ZNF268: variants seen among roughly 807,000 people sequenced by gnomAD.
ZNF268 encodes the protein zinc finger protein 3.
ZNF268 carries 20 observed loss-of-function variants against 29.3 expected under a neutral mutation model. The observed-to-expected ratio is 0.68, with a 90% CI of 0.48 to 0.99. ZNF268 has a LOEUF of 0.99. Among genes scored for constraint, ZNF268 ranks in the 50% least tolerant of loss-of-function variants. The pLI is 0.00. For missense variants in ZNF268, 1,240 were observed against 1,121.6 expected (o/e 1.11, Z -1.51); for synonymous variants, 429 against 376.9 (o/e 1.14, Z -1.60).
chr12:133,181,773 G>T (rs780373781), intron 1 of ZNF268, 87 bp downstream of exon 1: 45 of 566,920 alleles, frequency 7.9e-5, no homozygotes, highest in Non-Finnish European at 1.3e-4. Context: ...CGGGGCGGTT[G>T]CCTGACCCTA....
At chr12:133,198,208 TGTATAAG>T in intron 5 of ZNF268, among the ~76,000 whole-genome samples, 1 of 148,258 alleles carries the variant, frequency 6.7e-6, no homozygotes, top group South Asian at 2.1e-4. Flanking sequence ...AATTGATTTT[TGTATAAG>T]GTGTAAGGAA....
Position 133,210,143 on chromosome 12 carries a change from A to G in ZNF268, c.*5613A>G, listed in dbSNP as rs576223168. On this transcript the variant is annotated 3_prime_UTR_variant, in exon 6 of 6. Coordinates refer to ENST00000536435, the MANE Select transcript of ZNF268 (RefSeq NM_003415.3). The stretch of plus-strand genomic sequence containing the variant: ...CAGGGTGCAGGCCTCACTTTTCCTC[A>G]TCTTTTCCTCCTGTGGCCTCCATGT... 1.3e-5 allele frequency: 2 copies of G among 152,380 alleles called. No individual in the cohort carries two copies. Among genetic ancestry groups the G allele is most frequent in the East Asian group, 3.9e-4 (2 of 5,172 alleles). 9.4% of individuals were successfully genotyped at this position (152,380 alleles called of 1,614,324 possible). A position where few individuals can be genotyped will look rare whatever the true frequency, so the allele number is the denominator to read the frequency against.
Position 133,204,780 on chromosome 12 carries a change from T to C in ZNF268, c.*250T>C, listed in dbSNP as rs2135527142. The C allele has an allele frequency of 2.6e-6, 1 of 384,542 alleles. No homozygotes were observed. Among genetic ancestry groups the C allele is most frequent in the African/African-American group, 2.1e-5 (1 of 47,946 alleles). 23.8% of individuals were successfully genotyped at this position (384,542 alleles called of 1,614,324 possible). A position where few individuals can be genotyped will look rare whatever the true frequency, so the allele number is the denominator to read the frequency against. On this transcript the variant is annotated 3_prime_UTR_variant, in exon 6 of 6. Coordinates refer to ENST00000536435, the MANE Select transcript of ZNF268 (RefSeq NM_003415.3). ...AAAATTTTTAGCAGCAAGTCATACC[T>C]TTTTTTAAAAAGTTCATACAGGTGA...
chr12:133,203,800 T>G lies in ZNF268; in HGVS notation c.2114T>G (p.Phe705Cys), dbSNP rs753428615. Residue 705 changes from phenylalanine (F) to cysteine (C), a missense_variant, in exon 6 of 6, where the codon TTC becomes TGC. This residue lies in a region of ZNF268 where 1,177 missense variants were observed against 1,039.6 expected (regional missense o/e 1.13). Transcript: ENST00000536435. ...PYGCSECGKA[F>C]RSKSYLIIHM... ...GGATGCAGTGAGTGTGGGAAAGCCT[T>G]CAGGAGCAAGTCATACCTTATTATA... The G allele has an allele frequency of 1.3e-6, 2 of 1,564,468 alleles. No homozygotes were observed. Among genetic ancestry groups the G allele is most frequent in the South Asian group, 2.3e-5 (2 of 86,668 alleles).
Position 133,203,033 on chromosome 12 carries a change from T to C in ZNF268, c.1347T>C (p.Cys449=). Residue 449 remains cysteine (C), a synonymous_variant, in exon 6 of 6, where the codon TGT becomes TGC. Transcript: ENST00000536435. ...TGEKPYVCSD[C]GKAFTFKSQL... is the part of the protein sequence containing the mutation. ...AGAAACCTTATGTTTGTAGTGATTG[T>C]GGAAAAGCCTTTACATTCAAGTCAC... 1 of 1,542,530 alleles carries C rather than the reference T, an allele frequency of 6.5e-7. No homozygotes were observed.
At position 133,204,612 on chromosome 12, in the gene ZNF268, T is replaced by G. The variant is rs956878119; in HGVS notation, c.*82T>G. ...AAGAGAAACTCTGTAAGTGGAATCATCTTGTCATCTTCCAGAAAACTCATA... is the reference window on the plus strand; with the variant it reads ...AAGAGAAACTCTGTAAGTGGAATCAGCTTGTCATCTTCCAGAAAACTCATA... On this transcript the variant is annotated 3_prime_UTR_variant, in exon 6 of 6. Transcript: ENST00000536435. 1.2e-4 allele frequency: 128 copies of G among 1,082,476 alleles called. No homozygotes were observed. The highest frequency in any genetic ancestry group is 2.5e-5 in the Non-Finnish European group (20 of 785,132). The allele number at this position is 1,082,476 out of a possible 1,614,324, so 67.1% of individuals were successfully genotyped here.
At chr12:133,192,848 A>G (rs925661719) in intron 5 of ZNF268, among the ~76,000 whole-genome samples, 2 of 152,144 alleles carry the variant, frequency 1.3e-5, no homozygotes, top group Non-Finnish European at 2.9e-5. Context: ...TTTTGTAGAT[A>G]CAGGGTTTCA....
rs544229399 is a variant in ZNF268, at chr12:133,193,667, A to G, written c.457+1664A>G. The stretch of plus-strand genomic sequence containing the variant: ...CTTAATACCACCACAATGGGGAGTA[A>G]GTTTCAACATGAGTTTTAGAGGGGA... On this transcript the variant is annotated intron_variant, in intron 5 of 5. Transcript: ENST00000536435. The G allele has an allele frequency of 7.8e-5, 34 of 435,532 alleles. 2 individuals carry two copies. In the South Asian group the frequency reaches 1.4e-3, roughly 18 times the overall value. The allele number at this position is 435,532 out of a possible 1,614,324, so 27.0% of individuals were successfully genotyped here.
At chr12:133,183,253 GT>G (rs938360262) in intron 2 of ZNF268, among the ~76,000 whole-genome samples, 16 of 152,174 alleles carry the variant, frequency 1.1e-4, no homozygotes, top group African/African-American at 3.9e-4. Flanking sequence ...TTATTGAAGT[GT>G]TTTCACAACG....
rs1223448129 is a variant in ZNF268 at position 133,205,455 on chromosome 12, A to G, written c.*925A>G. 1 of 152,174 alleles carries G rather than the reference A, an allele frequency of 6.6e-6. No individual in the cohort carries two copies. Among genetic ancestry groups the G allele is most frequent in the South Asian group, 2.1e-4 (1 of 4,828 alleles). 9.4% of individuals were successfully genotyped at this position (152,174 alleles called of 1,614,324 possible). ...GTTTGGCATTTTACTTGCGAATGCC[A>G]TATGTGAGACAAAAATCATCTTCCA... On this transcript the variant is annotated 3_prime_UTR_variant, in exon 6 of 6. Coordinates refer to ENST00000536435, the MANE Select transcript of ZNF268 (RefSeq NM_003415.3).
In ZNF268 at chr12:133,204,642, A is replaced by G. The variant is rs1416007924; in HGVS notation, c.*112A>G. The G allele has an allele frequency of 5.0e-6, 4 of 808,040 alleles. No individual in the cohort carries two copies. Among genetic ancestry groups the G allele is most frequent in the East Asian group, 3.0e-5 (1 of 32,826 alleles). 50.1% of individuals were successfully genotyped at this position (808,040 alleles called of 1,614,324 possible). A position where few individuals can be genotyped will look rare whatever the true frequency, so the allele number is the denominator to read the frequency against. On this transcript the variant is annotated 3_prime_UTR_variant, in exon 6 of 6. Transcript: ENST00000536435. ...TCATCTTCCAGAAAACTCATACTGA[A>G]TAGAAACTTTATGAATGCACAGCAT...
chr12:133,197,486 T>C (rs377387104), intron 5 of ZNF268, among the ~76,000 whole-genome samples: 13 of 152,110 alleles, frequency 8.5e-5, no homozygotes, highest in East Asian at 7.7e-4. Context: ...TGAATAGTGC[T>C]GCAATAAACA....
chr12:133,205,479 C>A lies in ZNF268; in HGVS notation c.*949C>A, dbSNP rs1430155379. 1 of 152,106 alleles carries A rather than the reference C, an allele frequency of 6.6e-6. No homozygotes were observed. The highest frequency in any genetic ancestry group is 1.5e-5 in the Non-Finnish European group (1 of 68,014). The allele number at this position is 152,106 out of a possible 1,614,324, so 9.4% of individuals were successfully genotyped here. On this transcript the variant is annotated 3_prime_UTR_variant, in exon 6 of 6. Transcript: ENST00000536435. ...CATATGTGAGACAAAAATCATCTTCCAGAGATTTCAGTATCTCTGATACTG... is the reference window on the plus strand; with the variant it reads ...CATATGTGAGACAAAAATCATCTTCAAGAGATTTCAGTATCTCTGATACTG...
intron 3 of ZNF268, among the ~76,000 whole-genome samples, chr12:133,190,144 C>T (rs1022994538): frequency 4.6e-5 from 7 of 152,162 alleles, no homozygotes; most frequent in African/African-American, 1.7e-4. Flanking sequence ...TGGTAATTTG[C>T]GTCTTCCAAG....
At position 133,206,179 on chromosome 12, in the gene ZNF268, G is replaced by T; in HGVS notation, c.*1649G>T. ...TAGGCAGAAACTTGCAAGGATATGTGGATATTTGGAAATGGTTGTTTCCCA... is the reference window on the plus strand; with the variant it reads ...TAGGCAGAAACTTGCAAGGATATGTTGATATTTGGAAATGGTTGTTTCCCA... On this transcript the variant is annotated 3_prime_UTR_variant, in exon 6 of 6. Transcript: ENST00000536435. The T allele has an allele frequency of 6.6e-6, 1 of 152,240 alleles. No individual in the cohort carries two copies. Among genetic ancestry groups the T allele is most frequent in the Non-Finnish European group, 1.5e-5 (1 of 68,026 alleles). 9.4% of individuals were successfully genotyped at this position (152,240 alleles called of 1,614,324 possible).
At chr12:133,188,729 A>T (rs1393614589) in intron 3 of ZNF268, among the ~76,000 whole-genome samples, 9 of 152,040 alleles carry the variant, frequency 5.9e-5, no homozygotes, top group African/African-American at 2.2e-4. Flanking sequence ...TTAATATCAG[A>T]CTCTTCATTT....
chr12:133,211,208 T>TGC lies in ZNF268; in HGVS notation c.*6678_*6679insGC, dbSNP rs1555305585. On this transcript the variant is annotated 3_prime_UTR_variant, in exon 6 of 6. Coordinates refer to ENST00000536435, the MANE Select transcript of ZNF268 (RefSeq NM_003415.3). ...TGAAAAAGTGTTTGTATGCAAAATA[T>TGC]AAAAAAAAAACCCTAAAATTGAACA... 2.2e-5 allele frequency: 6 copies of TGC among 275,944 alleles called. No homozygotes were observed. The highest frequency in any genetic ancestry group is 5.5e-5 in the Admixed American group (1 of 18,108). The allele number at this position is 275,944 out of a possible 1,614,324, so 17.1% of individuals were successfully genotyped here. A position where few individuals can be genotyped will look rare whatever the true frequency, so the allele number is the denominator to read the frequency against.
At position 133,204,587 on chromosome 12, in the gene ZNF268, AAG is replaced by A; in HGVS notation, c.*61_*62del. ...CAAGAGATAGAAACAATCATATATA[AAG>A]AGAAACTCTGTAAGTGGAATCATCT... is the stretch of plus-strand genomic sequence containing the variant. On this transcript the variant is annotated 3_prime_UTR_variant, in exon 6 of 6. Transcript: ENST00000536435. 1.6e-6 allele frequency: 2 copies of A among 1,278,624 alleles called. No individual in the cohort carries two copies. The highest frequency in any genetic ancestry group is 2.1e-6 in the Non-Finnish European group (2 of 956,184). 79.2% of individuals were successfully genotyped at this position (1,278,624 alleles called of 1,614,324 possible). A position where few individuals can be genotyped will look rare whatever the true frequency, so the allele number is the denominator to read the frequency against.
Position 133,203,329 on chromosome 12 carries a change from G to T in ZNF268, c.1643G>T (p.Arg548Met). ...SFKSQLIIHQ[R>M]IHTGENPYEC... ...AAATCACAGCTCATTATACATCAGA[G>T]GATTCATACAGGAGAGAACCCCTAT... The change falls in exon 6 of 6, where the codon AGG becomes ATG. Residue 548 changes from arginine (R) to methionine (M), a missense_variant. By Grantham distance (91) the Arg-to-Met change is moderately conservative. Around this residue, in one of 3 missense-constraint regions of ZNF268, gnomAD observed 1,177 missense variants for 1,039.6 expected, o/e 1.13. Coordinates refer to ENST00000536435, the MANE Select transcript of ZNF268 (RefSeq NM_003415.3). 1 of 1,545,752 alleles carries T rather than the reference G, an allele frequency of 6.5e-7. No individual in the cohort carries two copies. The highest frequency in any genetic ancestry group is 1.9e-5 in the Admixed American group (1 of 51,312).
Sources: gnomAD v4.1 joint callset for allele counts (sites outside exome capture counted in the v4.1 genomes callset) on GRCh38, gnomAD v4.1.1 for gene constraint, gnomAD v4.1.1 regional missense constraint, MANE v1.5 for transcripts, NCBI Gene and HGNC (gene_info 2026-07-23, HGNC 2026-07-21) for gene names.